PDE1A: variants seen among roughly 807,000 people sequenced by gnomAD.
PDE1A encodes the protein dual specificity calcium/calmodulin-dependent 3',5'-cyclic nucleotide phosphodiesterase 1A.
Under a neutral mutation model 61.7 loss-of-function variants are expected in PDE1A, and 35 were observed. That is an observed-to-expected ratio of 0.57 (90% CI 0.43 to 0.75). PDE1A has a LOEUF of 0.75. Among genes scored for constraint, PDE1A ranks in the 30% least tolerant of loss-of-function variants. PDE1A has a pLI of 0.00. For missense variants in PDE1A, 597 were observed against 630.6 expected (o/e 0.95, Z 0.57); for synonymous variants, 232 against 213.2 (o/e 1.09, Z -0.77).
intron 2 of PDE1A, among the ~76,000 whole-genome samples, chr2:182,516,702 G>GAGGA (rs199731099): frequency 0.035 from 4,113 of 116,778 alleles, 127 homozygotes; most frequent in Middle Eastern, 0.066. Context: ...GGGAGGAAGG[G>GAGGA]AGGAAGGAAG....
the PDE1A span, among the ~76,000 whole-genome samples, chr2:182,698,414 A>T: frequency 6.6e-6 from 1 of 152,242 alleles, no homozygotes; most frequent in African/African-American, 2.4e-5. Flanking sequence ...CACTATTTGT[A>T]TGAGCAAAGG....
chr2:182,490,475 T>C (rs1269417218), intron 2 of PDE1A, among the ~76,000 whole-genome samples: 2 of 152,194 alleles, frequency 1.3e-5, no homozygotes, highest in Admixed American at 6.5e-5. Context: ...GTTCACGCCA[T>C]TCTCCTGCCT....
intron 2 of PDE1A, among the ~76,000 whole-genome samples, chr2:182,435,992 T>C (rs1387330217): frequency 6.6e-6 from 1 of 152,068 alleles, no homozygotes; most frequent in East Asian, 1.9e-4. Flanking sequence ...ATAGAGATAA[T>C]CATGACTCAT....
intron 1 of PDE1A, among the ~76,000 whole-genome samples, chr2:182,352,238 C>G (rs1056157729): frequency 2.6e-5 from 4 of 152,224 alleles, no homozygotes; most frequent in African/African-American, 7.2e-5. Context: ...GCCCAGTGTT[C>G]CTCAACTGTG....
chr2:182,654,583 T>C, the PDE1A span, among the ~76,000 whole-genome samples: 2 of 152,306 alleles, frequency 1.3e-5, no homozygotes, highest in African/African-American at 4.8e-5. Context: ...CCAAAGCCCT[T>C]TGAAAGGCCT....
At chr2:182,464,182 A>G (rs545704436) in intron 2 of PDE1A, among the ~76,000 whole-genome samples, 5 of 152,110 alleles carry the variant, frequency 3.3e-5, no homozygotes, top group Non-Finnish European at 5.9e-5. Context: ...AGATTCTACA[A>G]TTGTTCACCC....
intron 1 of PDE1A, among the ~76,000 whole-genome samples, chr2:182,368,047 C>CCA (rs1699932059): frequency 6.6e-6 from 1 of 152,136 alleles, no homozygotes; most frequent in Admixed American, 6.5e-5. Context: ...CACCACTCCA[C>CCA]TTCAACAATT....
the PDE1A span, among the ~76,000 whole-genome samples, chr2:182,544,469 G>A: frequency 5.9e-5 from 9 of 152,164 alleles, no homozygotes; most frequent in Non-Finnish European, 2.9e-5. Context: ...GGAAAAAGTT[G>A]TCTAAAATAT....
At chr2:182,325,109 G>A (rs1696955844) in intron 1 of PDE1A, among the ~76,000 whole-genome samples, 1 of 152,220 alleles carries the variant, frequency 6.6e-6, no homozygotes, top group Middle Eastern at 3.4e-3. Context: ...CATTTGACTA[G>A]TCAACAGGAG....
chr2:182,302,555 G>C (rs1175513174), intron 1 of PDE1A, among the ~76,000 whole-genome samples: 3 of 152,314 alleles, frequency 2.0e-5, no homozygotes, highest in Non-Finnish European at 2.9e-5. Context: ...GCTGGTAAAG[G>C]GTTCTGCCTC....
chr2:182,599,382 G>C, the PDE1A span, among the ~76,000 whole-genome samples: 1 of 152,182 alleles, frequency 6.6e-6, no homozygotes, highest in Non-Finnish European at 1.5e-5. Flanking sequence ...ATCTGCAAAA[G>C]CAAGACAGAA....
chr2:182,557,658 G>A, the PDE1A span, among the ~76,000 whole-genome samples: 2 of 152,044 alleles, frequency 1.3e-5, no homozygotes, highest in Non-Finnish European at 2.9e-5. Context: ...ATTTCAGTGA[G>A]CCAAAATCGT....
chr2:182,426,583 G>C, exon 1 of PDE1A: 1 of 1,607,436 alleles, frequency 6.2e-7, no homozygotes, highest in South Asian at 1.1e-5. Context: ...CTTACCTAAA[G>C]ATGGGTCTTT....
chr2:182,419,966 G>A (rs561950525), intron 1 of PDE1A, among the ~76,000 whole-genome samples: 5 of 151,750 alleles, frequency 3.3e-5, no homozygotes, highest in Middle Eastern at 3.4e-3. Context: ...TTATAGTTTC[G>A]TAGGGGAGCT....
chr2:182,626,816 T>C, the PDE1A span, among the ~76,000 whole-genome samples: 6 of 23,200 alleles, frequency 2.6e-4, 1 homozygote, highest in South Asian at 0.01. Context: ...TATATATACA[T>C]ATATATATAC....
At chr2:182,317,480 T>A (rs1696413221) in intron 1 of PDE1A, among the ~76,000 whole-genome samples, 1 of 151,856 alleles carries the variant, frequency 6.6e-6, no homozygotes, top group Non-Finnish European at 1.5e-5. Flanking sequence ...TTTTACAGAC[T>A]AGAAATGCAG....
chr2:182,245,198 T>C (rs1026419908), intron 2 of PDE1A, among the ~76,000 whole-genome samples: 3 of 152,204 alleles, frequency 2.0e-5, no homozygotes, highest in African/African-American at 7.2e-5. Context: ...TTAGACTTTA[T>C]TTTTTAGGCT....
intron 2 of PDE1A, among the ~76,000 whole-genome samples, chr2:182,433,726 C>T (rs139401203): frequency 7.9e-5 from 12 of 152,054 alleles, no homozygotes; most frequent in African/African-American, 2.7e-4. Flanking sequence ...TACAGCATAC[C>T]ACAATATCCA....
rs1171611148 is a variant in PDE1A at position 182,176,881 on chromosome 2, A to C, written c.1517-8591T>G. ...TCCCATCAATACCTAATTTATTGAGAGTTTTTAGCATGAAGAGTTGTTGAA... is the reference window on the plus strand; with the variant it reads ...TCCCATCAATACCTAATTTATTGAGCGTTTTTAGCATGAAGAGTTGTTGAA... On this transcript the variant is annotated intron_variant, in intron 13 of 13. Coordinates refer to ENST00000351439, the Ensembl canonical transcript of PDE1A. Among the ~76,000 whole-genome samples the C allele has an allele frequency of 5.7e-3, 851 of 150,180 alleles. 10 individuals are homozygous for C. Among genetic ancestry groups the C allele is most frequent in the African/African-American group, 0.02 (816 of 40,810 alleles).
Sources: gnomAD v4.1 joint callset for allele counts (sites outside exome capture counted in the v4.1 genomes callset) on GRCh38, gnomAD v4.1.1 for gene constraint, MANE v1.5 for transcripts, NCBI Gene and HGNC (gene_info 2026-07-23, HGNC 2026-07-21) for gene names.